The following SSUH2 variants were observed in gnomAD, a reference collection of about 807,000 sequenced individuals.
SSUH2 encodes ssu-2 homolog.
In SSUH2, 47 loss-of-function variants were observed where a neutral mutation model predicts 55.3. The observed-to-expected ratio is 0.85, with a 90% CI of 0.67 to 1.08. The LOEUF (loss-of-function observed/expected upper bound fraction) is 1.08. SSUH2 is among the 50% of genes least tolerant of loss of function. The probability of loss-of-function intolerance (pLI) is 0.00; values close to 1 mark genes in which losing one functional copy is unlikely to be tolerated. For synonymous variants in SSUH2, 212 were observed against 191.5 expected (o/e 1.11, Z -0.89); for missense variants, 535 against 490.7 (o/e 1.09, Z -0.85).
At chr3:8,620,107 A>AC in intron 11 of SSUH2, 93 bp from the exon 12 acceptor site, 1 of 1,417,842 alleles carries the variant, frequency 7.1e-7, no homozygotes, top group Non-Finnish European at 9.6e-7. Flanking sequence ...TGTGTGTGGT[A>AC]TGAAAGGTCC....
rs555802396 is a variant in SSUH2, at chr3:8,671,167, A to G, written c.-610-14T>C. 2.4e-3 allele frequency: 482 copies of G among 197,256 alleles called. 3 individuals are homozygous for G. The highest frequency in any genetic ancestry group is 3.8e-3 in the Non-Finnish European group (335 of 88,050). The allele number at this position is 197,256 out of a possible 1,614,324, so 12.2% of individuals were successfully genotyped here. ...AGTAACGTTTTCCTGGAATATTATG[A>G]AGAATATTAAAGGGTGTACAGGACC... is the stretch of plus-strand genomic sequence containing the variant. On this transcript the variant is annotated splice_polypyrimidine_tract_variant and intron_variant, in intron 4 of 18. Coordinates refer to the SSUH2 transcript ENST00000317371.
Position 8,637,918 on chromosome 3 carries a change from G to A in SSUH2, c.29-2061C>T, listed in dbSNP as rs138354640. Among the ~76,000 whole-genome samples, 1,452 of 152,252 alleles carry A rather than the reference G, an allele frequency of 9.5e-3. 32 individuals are homozygous for A. The highest frequency in any genetic ancestry group is 0.033 in the African/African-American group (1,384 of 41,552). The stretch of plus-strand genomic sequence containing the variant: ...GTAGTAGCTCTCTCCCTTCACAAAA[G>A]TAAAAATAATATACCCTGTCCCTTC... On this transcript the variant is annotated intron_variant, in intron 1 of 11. Transcript: ENST00000544814.
At chr3:8,643,767 A>G (rs1192299571) in intron 1 of SSUH2, among the ~76,000 whole-genome samples, 1 of 152,244 alleles carries the variant, frequency 6.6e-6, no homozygotes, top group Non-Finnish European at 1.5e-5. Context: ...TGAAAGCTAT[A>G]GACCTCTCTC....
chr3:8,657,162 T>C (rs1289153421), intron 7 of SSUH2, among the ~76,000 whole-genome samples: 1 of 152,230 alleles, frequency 6.6e-6, no homozygotes, highest in Non-Finnish European at 1.5e-5. Context: ...ATTACAGGCC[T>C]GGACCACTGT....
In SSUH2 at chr3:8,632,099, T is replaced by G; in HGVS notation, c.350A>C (p.Glu117Ala). 1.2e-6 allele frequency: 2 copies of G among 1,613,948 alleles called. No individual in the cohort carries two copies. The highest frequency in any genetic ancestry group is 1.7e-6 in the Non-Finnish European group (2 of 1,179,888). The change falls in exon 5 of 12, where the codon GAG (glutamate) becomes GCG (alanine). Residue 117 changes from glutamate to alanine, a missense_variant. Coordinates refer to ENST00000544814, the MANE Select transcript of SSUH2 (RefSeq NM_001256748.3). Reference protein sequence around the residue: ...KRQTLCRYRLETFSESRISEW... With the variant: ...KRQTLCRYRLATFSESRISEW... The stretch of plus-strand genomic sequence containing the variant: ...GCTTATCCTGGATTCACTAAAGGTC[T>G]CCAGACGGTACTAAAAGGAAAAAAA...
At position 8,627,701 on chromosome 3, in the gene SSUH2, C is replaced by T. The variant is rs760731511; in HGVS notation, c.671G>A (p.Arg224Gln). ...GGTGCTGGGGAGATGCCCCTACCTT[C>T]GCCTGCCGGACCCCGCGCACAGCTG... ...RCQLCAGSGR[R>Q]RCSTCSGRGN... The change falls in exon 8 of 12, where the codon CGA becomes CAA. Residue 224 changes from arginine (R) to glutamine (Q), a missense_variant. Arg to Gln is a conservative substitution (Grantham distance 43). Transcript: ENST00000544814. The T allele has an allele frequency of 1.7e-5, 27 of 1,583,400 alleles. No homozygotes were observed. Among genetic ancestry groups the T allele is most frequent in the Admixed American group, 3.6e-5 (2 of 55,602 alleles).
At chr3:8,643,551 G>GA (rs1701216964) in intron 1 of SSUH2, among the ~76,000 whole-genome samples, 1 of 152,118 alleles carries the variant, frequency 6.6e-6, no homozygotes, top group African/African-American at 2.4e-5. Context: ...ACTTCAATAT[G>GA]AAAAAAGATT....
At chr3:8,665,702 G>A (rs573971121) in intron 5 of SSUH2, among the ~76,000 whole-genome samples, 4 of 152,094 alleles carry the variant, frequency 2.6e-5, no homozygotes, top group Non-Finnish European at 2.9e-5. Flanking sequence ...CACTTCAAAC[G>A]TCTTAACAAA....
intron 1 of SSUH2, chr3:8,639,944 C>G: frequency 2.0e-6 from 2 of 985,082 alleles, no homozygotes; most frequent in Non-Finnish European, 2.4e-6. Context: ...AACAGCAAAC[C>G]TACCACGATG....
rs146983330 is a variant in SSUH2 at position 8,625,407 on chromosome 3, T to C, written c.873+135A>G. 304 of 605,866 alleles carry C rather than the reference T, an allele frequency of 5.0e-4. No homozygotes were observed. The East Asian group carries it at 7.3e-3, about 15-fold the overall frequency. The allele number at this position is 605,866 out of a possible 1,614,324, so 37.5% of individuals were successfully genotyped here. A position where few individuals can be genotyped will look rare whatever the true frequency, so the allele number is the denominator to read the frequency against. On this transcript the variant is annotated intron_variant, in intron 10 of 11. Coordinates refer to ENST00000544814, the MANE Select transcript of SSUH2 (RefSeq NM_001256748.3). ...CCCAGGCTCCCCACAGCCTTATCCA[T>C]GTCTGGGGAGCTCTGCTCCTACACA...
rs1376433084 is a variant in SSUH2, at chr3:8,679,198, C to A, written c.-901+507G>T. Among the ~76,000 whole-genome samples, 6 of 93,748 alleles carry A rather than the reference C, an allele frequency of 6.4e-5. 2 individuals are homozygous for A. Among genetic ancestry groups the A allele is most frequent in the Admixed American group, 2.1e-4 (2 of 9,468 alleles). The allele number at this position is 93,748 out of a possible 152,430, so 61.5% of individuals were successfully genotyped here. A position where few individuals can be genotyped will look rare whatever the true frequency, so the allele number is the denominator to read the frequency against. On this transcript the variant is annotated intron_variant, in intron 2 of 18. Coordinates refer to the SSUH2 transcript ENST00000317371. ...GTTCCCCCACACTGGCTCTTGGGAC[C>A]CCCATCGCAGGGGGGATGGCACCCT...
intron 3 of SSUH2, among the ~76,000 whole-genome samples, chr3:8,672,412 G>A (rs1167433057): frequency 6.6e-6 from 1 of 151,862 alleles, no homozygotes; most frequent in African/African-American, 2.4e-5. Flanking sequence ...CTTTTCTTCT[G>A]GATAGTAGGA....
chr3:8,629,337 C>A, intron 7 of SSUH2: 1 of 321,210 alleles, frequency 3.1e-6, no homozygotes, highest in South Asian at 6.7e-5. Context: ...ACAAAGACTG[C>A]CTGGTAAGAA....
intron 5 of SSUH2, among the ~76,000 whole-genome samples, chr3:8,664,856 A>G (rs1703844216): frequency 6.6e-6 from 1 of 152,160 alleles, no homozygotes; most frequent in Non-Finnish European, 1.5e-5. Flanking sequence ...ATCAACACCA[A>G]CCCAGCTCAA....
intron 1 of SSUH2, among the ~76,000 whole-genome samples, chr3:8,638,853 T>A (rs1260392620): frequency 1.3e-5 from 2 of 151,914 alleles, no homozygotes; most frequent in Non-Finnish European, 2.9e-5. Flanking sequence ...CACCCACAAG[T>A]CTTGGGTCTG....
At chr3:8,677,025 T>G (rs1705424207) in intron 3 of SSUH2, among the ~76,000 whole-genome samples, 1 of 134,360 alleles carries the variant, frequency 7.4e-6, no homozygotes. Flanking sequence ...TCCATCGCGG[T>G]GGGGGGAGGA....
intron 5 of SSUH2, among the ~76,000 whole-genome samples, chr3:8,667,342 T>C (rs1282550806): frequency 6.6e-6 from 1 of 152,236 alleles, no homozygotes; most frequent in African/African-American, 2.4e-5. Flanking sequence ...GCATGTCTTT[T>C]AGCATCCTAA....
chr3:8,681,107 C>T (rs1208109657), intron 1 of SSUH2, among the ~76,000 whole-genome samples: 4 of 96,176 alleles, frequency 4.2e-5, no homozygotes, highest in Admixed American at 1.3e-4. Flanking sequence ...CCCCGCGAGG[C>T]GGGTTCTGAG....
Position 8,677,834 on chromosome 3 carries a change from A to C in SSUH2, c.-900-481T>G, listed in dbSNP as rs550652278. ...AGAGCCAGCCCCACACACCCACTCC[A>C]CCACCAGCTCTCAGGATCTGCGGTG... On this transcript the variant is annotated intron_variant, in intron 2 of 18. Transcript: ENST00000317371. Among the ~76,000 whole-genome samples, 8 of 149,706 alleles carry C rather than the reference A, an allele frequency of 5.3e-5. No individual in the cohort carries two copies. The South Asian group carries it at 1.5e-3, about 29-fold the overall frequency.
Sources: gnomAD v4.1 joint callset for allele counts (sites outside exome capture counted in the v4.1 genomes callset) on GRCh38, gnomAD v4.1.1 for gene constraint, MANE v1.5 for transcripts, NCBI Gene and HGNC (gene_info 2026-07-23, HGNC 2026-07-21) for gene names.